The following SPTLC3 variants were observed in gnomAD, a reference collection of about 807,000 sequenced individuals.
SPTLC3 encodes the protein serine palmitoyltransferase long chain base subunit 3, also known as serine palmitoyltransferase 3.
A neutral mutation model predicts 59.3 loss-of-function variants in SPTLC3; 36 were observed. The ratio of observed to expected loss-of-function variants is 0.61; its 90% CI spans 0.47 to 0.80. The LOEUF (loss-of-function observed/expected upper bound fraction) is 0.80, where lower values mean the gene tolerates loss of function less well. Ranked by LOEUF, SPTLC3 falls within the 30% of genes least tolerant of loss-of-function variation. SPTLC3 has a pLI of 0.00. For synonymous variants in SPTLC3, 257 were observed against 240.8 expected (o/e 1.07, Z -0.62); for missense variants, 625 against 685.1 (o/e 0.91, Z 0.98).
At chr20:13,115,629 C>T (rs1990494363) in intron 7 of SPTLC3, among the ~76,000 whole-genome samples, 1 of 152,116 alleles carries the variant, frequency 6.6e-6, no homozygotes, top group Admixed American at 6.6e-5. Context: ...TTATGTATGA[C>T]ATCCAGCATG....
intron 1 of SPTLC3, among the ~76,000 whole-genome samples, chr20:13,032,877 T>G (rs533324317): frequency 5.9e-5 from 9 of 152,282 alleles, no homozygotes; most frequent in African/African-American, 2.2e-4. Context: ...TAACCTCTTA[T>G]GAACTGACCT....
intron 7 of SPTLC3, among the ~76,000 whole-genome samples, chr20:13,114,383 A>C (rs1990416813): frequency 6.6e-6 from 1 of 152,238 alleles, no homozygotes; most frequent in African/African-American, 2.4e-5. Flanking sequence ...AGTGGTTGAG[A>C]ATCTCAAAAT....
chr20:13,162,703 C>T (rs754494570), intron 11 of SPTLC3, among the ~76,000 whole-genome samples: 1 of 152,184 alleles, frequency 6.6e-6, no homozygotes, highest in African/African-American at 2.4e-5. Flanking sequence ...ACTCTAGCCT[C>T]GCTTTCATTC....
intron 9 of SPTLC3, 115 bp from the exon 10 acceptor site, chr20:13,153,888 C>T: frequency 1.5e-6 from 2 of 1,365,984 alleles, no homozygotes; most frequent in Non-Finnish European, 2.0e-6. Context: ...ACTTCCTCCT[C>T]CCAGCTAGTG....
chr20:13,040,498 A>G (rs1359959370), intron 1 of SPTLC3, among the ~76,000 whole-genome samples: 1 of 152,078 alleles, frequency 6.6e-6, no homozygotes, highest in Non-Finnish European at 1.5e-5. Context: ...AGCTGGGACC[A>G]TAGGCGCAAG....
intron 4 of SPTLC3, among the ~76,000 whole-genome samples, chr20:13,083,829 T>G (rs1045220373): frequency 6.6e-6 from 1 of 152,184 alleles, no homozygotes; most frequent in Admixed American, 6.5e-5. Context: ...CTCCTGGTCC[T>G]TGGTCCCACA....
intron 2 of SPTLC3, among the ~76,000 whole-genome samples, chr20:13,055,401 T>A (rs1025973297): frequency 2.0e-5 from 3 of 152,090 alleles, no homozygotes; most frequent in Non-Finnish European, 4.4e-5. Context: ...GTGATCTCCA[T>A]GGCCCCTAAC....
chr20:13,127,271 T>C (rs990445336), intron 9 of SPTLC3, among the ~76,000 whole-genome samples: 1 of 152,176 alleles, frequency 6.6e-6, no homozygotes, highest in Admixed American at 6.5e-5. Flanking sequence ...TGAAAAATTG[T>C]TTCATAAAAG....
intron 1 of SPTLC3, 82 bp from the exon 2 acceptor site, chr20:13,048,863 G>T (rs185729164): frequency 7.3e-6 from 9 of 1,233,928 alleles, no homozygotes; most frequent in South Asian, 1.9e-5. Context: ...GAATTCAAAG[G>T]GTTGAAAGTT....
intron 10 of SPTLC3, among the ~76,000 whole-genome samples, chr20:13,157,351 C>T (rs139275277): frequency 9.9e-4 from 150 of 151,906 alleles, no homozygotes; most frequent in Middle Eastern, 3.4e-3. Context: ...GCAGGATAAT[C>T]GCTGGAACCC....
rs11906182 is a variant in SPTLC3, at chr20:13,107,263, T to C, written c.827-2849T>C. On this transcript the variant is annotated intron_variant, in intron 6 of 11. Coordinates refer to ENST00000399002, the MANE Select transcript of SPTLC3 (RefSeq NM_018327.4). ...TGATTATTTCTATTCATCCTGAAGG[T>C]TGAGAACCACTGGAAGATTAATGAG... is the stretch of plus-strand genomic sequence containing the variant. Among the ~76,000 whole-genome samples, 790 of 151,956 alleles carry C rather than the reference T, an allele frequency of 5.2e-3. 8 individuals carry two copies. Among genetic ancestry groups the C allele is most frequent in the African/African-American group, 0.018 (757 of 41,408 alleles).
rs1444646122 is a variant in SPTLC3, at chr20:13,023,443, C to G, written c.117+14059C>G. Among the ~76,000 whole-genome samples the G allele has an allele frequency of 2.0e-5, 3 of 152,216 alleles. No individual in the cohort carries two copies. In the East Asian group the frequency reaches 5.8e-4, roughly 29 times the overall value. On this transcript the variant is annotated intron_variant, in intron 1 of 11. Coordinates refer to ENST00000399002, the MANE Select transcript of SPTLC3 (RefSeq NM_018327.4). ...GAATCTCTAGTACCTAGACCAGAGCCTATATGTAATAGGAGCTGAAAAATA... is the reference window on the plus strand; with the variant it reads ...GAATCTCTAGTACCTAGACCAGAGCGTATATGTAATAGGAGCTGAAAAATA...
At chr20:13,021,851 T>G (rs1018855066) in intron 1 of SPTLC3, among the ~76,000 whole-genome samples, 2 of 152,200 alleles carry the variant, frequency 1.3e-5, no homozygotes, top group African/African-American at 4.8e-5. Context: ...GACTTCAAGC[T>G]TTATTTCTAA....
At chr20:13,163,490 T>C (rs910384854) in intron 11 of SPTLC3, among the ~76,000 whole-genome samples, 51 of 151,574 alleles carry the variant, frequency 3.4e-4, no homozygotes, top group African/African-American at 1.2e-3. Flanking sequence ...AACTAGTCCA[T>C]CCCCCACCTT....
intron 1 of SPTLC3, among the ~76,000 whole-genome samples, chr20:13,034,700 C>T (rs1986654629): frequency 1.3e-5 from 2 of 152,080 alleles, no homozygotes; most frequent in African/African-American, 4.8e-5. Context: ...TTTACCATCA[C>T]ACATAAAATT....
At chr20:13,148,859 G>C (rs1428172532) in intron 9 of SPTLC3, among the ~76,000 whole-genome samples, 1 of 152,202 alleles carries the variant, frequency 6.6e-6, no homozygotes, top group Non-Finnish European at 1.5e-5. Flanking sequence ...GAGAACTATT[G>C]CCCAGCAGAA....
chr20:13,095,914 GT>G (rs1989395679), intron 6 of SPTLC3, among the ~76,000 whole-genome samples: 1 of 152,040 alleles, frequency 6.6e-6, no homozygotes, highest in Non-Finnish European at 1.5e-5. Context: ...CAGGCACTAT[GT>G]TAGCCCTTTG....
Position 13,150,652 on chromosome 20 carries a change from C to T in SPTLC3, c.1280-3351C>T, listed in dbSNP as rs532177610. Among the ~76,000 whole-genome samples the T allele has an allele frequency of 1.1e-4, 17 of 152,312 alleles. No homozygotes were observed. The South Asian group carries it at 3.3e-3, about 30-fold the overall frequency. ...CTTTCAGATTCATCCTACTCCTACT[C>T]CTTCCAATCATTAAATGTGGGATTC... On this transcript the variant is annotated intron_variant, in intron 9 of 11. Coordinates refer to ENST00000399002, the MANE Select transcript of SPTLC3 (RefSeq NM_018327.4).
At chr20:13,076,882 G>A (rs1988666306) in intron 4 of SPTLC3, among the ~76,000 whole-genome samples, 1 of 152,152 alleles carries the variant, frequency 6.6e-6, no homozygotes, top group South Asian at 2.1e-4. Context: ...CAGGTTCCCG[G>A]AGGAAGATTG....
Sources: allele counts gnomAD v4.1 joint callset (sites outside exome capture counted in the v4.1 genomes callset), GRCh38; gene constraint gnomAD v4.1.1; transcripts MANE v1.5; gene names NCBI Gene and HGNC (gene_info 2026-07-23, HGNC 2026-07-21).